The following GRM7 variants were observed in gnomAD, a reference collection of about 807,000 sequenced individuals.
GRM7 encodes the protein glutamate metabotropic receptor 7, also known as metabotropic glutamate receptor 7.
A neutral mutation model predicts 84.5 loss-of-function variants in GRM7; 35 were observed. The observed-to-expected ratio is 0.41, with a 90% CI of 0.32 to 0.55. The LOEUF (loss-of-function observed/expected upper bound fraction) is 0.55, where lower values mean the gene tolerates loss of function less well. GRM7 is among the 20% of genes least tolerant of loss of function. The pLI, the probability that GRM7 is intolerant of heterozygous loss-of-function variation, is 0.19. For synonymous variants in GRM7, 487 were observed against 455.1 expected (o/e 1.07, Z -0.89); for missense variants, 1,003 against 1,194.6 (o/e 0.84, Z 2.36).
chr3:7,508,856 T>A (rs1330920464), intron 7 of GRM7, among the ~76,000 whole-genome samples: 1 of 152,186 alleles, frequency 6.6e-6, no homozygotes, highest in Non-Finnish European at 1.5e-5. Context: ...CTTCATTTGA[T>A]GAAATAGGCA....
rs1468583411 is a variant in GRM7 at position 7,151,252 on chromosome 3, C to T, written c.736+4584C>T. On this transcript the variant is annotated intron_variant, in intron 2 of 9. Coordinates refer to ENST00000357716, the MANE Select transcript of GRM7 (RefSeq NM_000844.4). This position sits in a 1 kb window ranked among gnomAD's most constrained non-coding sequence, Gnocchi z 4.5. ...TAGACCTCAAGCTCTACTAAAAATA[C>T]AAAAATTAACCTGGCATGGTGGCAT... Among the ~76,000 whole-genome samples, 3 of 151,964 alleles carry T rather than the reference C, an allele frequency of 2.0e-5. No homozygotes were observed. The highest frequency in any genetic ancestry group is 4.4e-5 in the Non-Finnish European group (3 of 67,986).
intron 6 of GRM7, among the ~76,000 whole-genome samples, chr3:7,453,692 A>C (rs1454340218): frequency 6.6e-6 from 1 of 152,036 alleles, no homozygotes; most frequent in East Asian, 1.9e-4. Context: ...CATGTGTTCA[A>C]CTCTGAACCT....
At chr3:6,895,980 T>G (rs565765093) in intron 1 of GRM7, among the ~76,000 whole-genome samples, 129 of 152,224 alleles carry the variant, frequency 8.5e-4, no homozygotes, top group African/African-American at 3.0e-3. Context: ...CAGCCAATAA[T>G]TTTAAAATGT....
chr3:7,217,778 A>G (rs1321676870), intron 2 of GRM7, among the ~76,000 whole-genome samples: 1 of 150,840 alleles, frequency 6.6e-6, no homozygotes, highest in East Asian at 1.9e-4. Context: ...AAAGATAACC[A>G]TTGTTCATAT....
chr3:7,059,620 A>G (rs1197473682), intron 1 of GRM7, among the ~76,000 whole-genome samples: 1 of 151,550 alleles, frequency 6.6e-6, no homozygotes, highest in Non-Finnish European at 1.5e-5. Flanking sequence ...ATCTCCCCCA[A>G]ATTTGTATGT....
intron 1 of GRM7, among the ~76,000 whole-genome samples, chr3:6,904,121 C>A (rs1299969042): frequency 6.6e-6 from 1 of 151,798 alleles, no homozygotes; most frequent in East Asian, 1.9e-4. Flanking sequence ...TTTAATGTAG[C>A]CAAATTCATC....
Position 6,952,211 on chromosome 3 carries a change from G to C in GRM7, c.519+90304G>C, listed in dbSNP as rs529168552. Among the ~76,000 whole-genome samples the C allele has an allele frequency of 5.3e-5, 8 of 152,234 alleles. No homozygotes were observed. The South Asian group carries it at 1.7e-3, about 32-fold the overall frequency. On this transcript the variant is annotated intron_variant, in intron 1 of 9. Transcript: ENST00000357716. ...AGGAACAGAATCATATTTAGTCTAA[G>C]GTTATTCCCTACAACCTAGGCCAGA...
intron 8 of GRM7, among the ~76,000 whole-genome samples, chr3:7,615,558 TA>T (rs747622096): frequency 6.6e-6 from 1 of 152,164 alleles, no homozygotes; most frequent in Non-Finnish European, 1.5e-5. Flanking sequence ...TAGTGGATAA[TA>T]TTTTTCCTAT....
intron 4 of GRM7, among the ~76,000 whole-genome samples, chr3:7,382,065 C>G (rs1376179206): frequency 1.3e-5 from 2 of 152,094 alleles, no homozygotes; most frequent in Non-Finnish European, 2.9e-5. Flanking sequence ...AAACCAACAG[C>G]CATTCATCAA....
intron 1 of GRM7, among the ~76,000 whole-genome samples, chr3:6,867,319 G>A (rs976296210): frequency 2.0e-5 from 3 of 151,994 alleles, no homozygotes; most frequent in African/African-American, 7.2e-5. Context: ...GCCCAGCTTC[G>A]GGACATTCAA....
At chr3:7,147,237 G>C (rs904204074) in intron 2 of GRM7, among the ~76,000 whole-genome samples, 1 of 152,124 alleles carries the variant, frequency 6.6e-6, no homozygotes, top group Admixed American at 6.5e-5. Context: ...ATTCTCTTAC[G>C]TTTGTTTATT....
intron 9 of GRM7, among the ~76,000 whole-genome samples, chr3:7,699,612 G>A (rs532692205): frequency 7.2e-5 from 11 of 152,160 alleles, no homozygotes; most frequent in Middle Eastern, 6.8e-3. Context: ...AAAAATTAGC[G>A]AATTTTTTTT....
intron 8 of GRM7, among the ~76,000 whole-genome samples, chr3:7,677,118 C>G (rs1038524765): frequency 1.3e-5 from 2 of 151,644 alleles, no homozygotes; most frequent in African/African-American, 2.4e-5. Flanking sequence ...AAAAATTAGC[C>G]GGGCGCGGTG....
At chr3:7,561,093 C>T (rs1030712349) in intron 7 of GRM7, among the ~76,000 whole-genome samples, 1 of 152,060 alleles carries the variant, frequency 6.6e-6, no homozygotes, top group Non-Finnish European at 1.5e-5. Context: ...TATTGCAGTT[C>T]AACTGAAACT....
At position 7,305,343 on chromosome 3, in the gene GRM7, C is replaced by CTT. The variant is rs1258984449; in HGVS notation, c.879-1141_879-1140dup. On this transcript the variant is annotated intron_variant, in intron 3 of 9. Coordinates refer to ENST00000357716, the MANE Select transcript of GRM7 (RefSeq NM_000844.4). ...CCTATGCTGCTGCTTTTTTTTTTTT[C>CTT]TTTTTTTTTTTTTTTAATTATACTT... Among the ~76,000 whole-genome samples, 49 of 35,022 alleles carry CTT rather than the reference C, an allele frequency of 1.4e-3. 3 individuals are homozygous for CTT. Among genetic ancestry groups the CTT allele is most frequent in the African/African-American group, 2.7e-3 (45 of 16,464 alleles). The allele number at this position is 35,022 out of a possible 152,430, so 23.0% of individuals were successfully genotyped here. A position where few individuals can be genotyped will look rare whatever the true frequency, so the allele number is the denominator to read the frequency against.
At chr3:6,986,736 C>T (rs1291999691) in intron 1 of GRM7, among the ~76,000 whole-genome samples, 1 of 152,190 alleles carries the variant, frequency 6.6e-6, no homozygotes, top group Non-Finnish European at 1.5e-5. Flanking sequence ...TCCCCTGTAT[C>T]TAAGCAGTGG....
chr3:7,644,151 T>C (rs1413892775), intron 8 of GRM7, among the ~76,000 whole-genome samples: 1 of 120,040 alleles, frequency 8.3e-6, no homozygotes, highest in African/African-American at 3.0e-5. Context: ...TATATGTCTG[T>C]ACGTATATAT....
At chr3:7,017,058 G>C (rs1695592250) in intron 1 of GRM7, among the ~76,000 whole-genome samples, 1 of 152,166 alleles carries the variant, frequency 6.6e-6, no homozygotes, top group Non-Finnish European at 1.5e-5. Flanking sequence ...TGCTTCAGAG[G>C]CACTTAAAAC....
chr3:6,947,968 G>T (rs1311372535), intron 1 of GRM7, among the ~76,000 whole-genome samples: 4 of 152,122 alleles, frequency 2.6e-5, no homozygotes, highest in South Asian at 4.2e-4. Flanking sequence ...AGTCTTGCTA[G>T]CAGTCTATCA....
Sources: allele counts gnomAD v4.1 joint callset (sites outside exome capture counted in the v4.1 genomes callset), GRCh38; gene constraint gnomAD v4.1.1; non-coding constraint Gnocchi (gnomAD v3.1); transcripts MANE v1.5; gene names NCBI Gene and HGNC (gene_info 2026-07-23, HGNC 2026-07-21).